TMEM225B: variants seen among roughly 807,000 people sequenced by gnomAD.
TMEM225B encodes transmembrane protein 225-like.
TMEM225B carries 10 observed loss-of-function variants against 16.9 expected under a neutral mutation model. The observed-to-expected ratio is 0.59, with a 90% confidence interval of 0.36 to 1.00. The LOEUF is 1.00. TMEM225B is among the 50% of genes least tolerant of loss of function. The pLI, the probability that TMEM225B is intolerant of heterozygous loss-of-function variation, is 0.01. For missense variants in TMEM225B, 217 were observed against 267.0 expected, an observed-to-expected ratio of 0.81 and a Z score of 1.30; for synonymous variants, 92 against 109.8, an observed-to-expected ratio of 0.84 and a Z score of 1.01.
At chr7:99,599,262 AC>A (rs985517190) in intron 1 of TMEM225B, among the ~76,000 whole-genome samples, 1 of 151,088 alleles carries the variant, frequency 6.6e-6, no homozygotes, top group African/African-American at 2.4e-5. Flanking sequence ...GGCGTGAGCC[AC>A]CGCACCCGGC....
chr7:99,608,722 T>A (rs866829495), intron 5 of TMEM225B, among the ~76,000 whole-genome samples: 33 of 115,510 alleles, frequency 2.9e-4, no homozygotes, highest in Middle Eastern at 3.6e-3. Flanking sequence ...AAAAAATATA[T>A]ATATATATAT....
At position 99,606,965 on chromosome 7, in the gene TMEM225B, C is replaced by T. The variant is rs535634602; in HGVS notation, c.355+71C>T. On this transcript the variant is annotated intron_variant, in intron 4 of 5. Coordinates refer to ENST00000431679, the MANE Select transcript of TMEM225B (RefSeq NM_001195541.3). ...AGGAGTCCAGAGAAAGAGGGGTGCTCAGTCTCTGTGATGTCAAAAGAGGCA... is the reference window on the plus strand; with the variant it reads ...AGGAGTCCAGAGAAAGAGGGGTGCTTAGTCTCTGTGATGTCAAAAGAGGCA... The T allele has an allele frequency of 9.4e-6, 14 of 1,495,668 alleles. No individual in the cohort carries two copies. The South Asian group carries it at 1.5e-4, about 16-fold the overall frequency. 92.6% of individuals were successfully genotyped at this position (1,495,668 alleles called of 1,614,324 possible).
At position 99,610,758 on chromosome 7, in the gene TMEM225B, C is replaced by T; in HGVS notation, c.*193C>T. The T allele has an allele frequency of 2.1e-6, 1 of 483,842 alleles. No individual in the cohort carries two copies. Among genetic ancestry groups the T allele is most frequent in the East Asian group, 3.0e-5 (1 of 33,040 alleles). 30.0% of individuals were successfully genotyped at this position (483,842 alleles called of 1,614,324 possible). A position where few individuals can be genotyped will look rare whatever the true frequency, so the allele number is the denominator to read the frequency against. On this transcript the variant is annotated 3_prime_UTR_variant, in exon 6 of 6. Transcript: ENST00000431679. Reference sequence around the variant, plus strand: ...ATGTGAAATTTGCTAAAAGTCCTTTCAACTCTTCTGAGCTTCCTAAGTGAC... The same window carrying T: ...ATGTGAAATTTGCTAAAAGTCCTTTTAACTCTTCTGAGCTTCCTAAGTGAC...
chr7:99,607,954 G>A (rs552091412), intron 5 of TMEM225B, 144 bp downstream of exon 5: 23 of 922,176 alleles, frequency 2.5e-5, no homozygotes, highest in South Asian at 3.8e-5. Flanking sequence ...TTTAACTTTC[G>A]TTAATTAAAA....
At chr7:99,608,865 A>C in intron 5 of TMEM225B, among the ~76,000 whole-genome samples, 1 of 149,688 alleles carries the variant, frequency 6.7e-6, no homozygotes, top group Admixed American at 6.6e-5. Flanking sequence ...ATATACACAC[A>C]CACATATATG....
At chr7:99,603,504 C>T (rs1440958072) in intron 2 of TMEM225B, among the ~76,000 whole-genome samples, 1 of 152,030 alleles carries the variant, frequency 6.6e-6, no homozygotes, top group Non-Finnish European at 1.5e-5. Context: ...CCAGCCTGGC[C>T]AACATGGTGA....
chr7:99,600,146 C>A, intron 1 of TMEM225B, 59 bp from the exon 2 acceptor site: 1 of 700,712 alleles, frequency 1.4e-6, no homozygotes, highest in Admixed American at 2.0e-5. Flanking sequence ...AAAGTAACCC[C>A]GGGCTGTGAA....
At chr7:99,602,693 T>A (rs980764891) in intron 2 of TMEM225B, among the ~76,000 whole-genome samples, 1 of 152,140 alleles carries the variant, frequency 6.6e-6, no homozygotes, top group African/African-American at 2.4e-5. Context: ...AACTACTCAT[T>A]CAAAAGATGA....
At chr7:99,608,082 C>T (rs1330622076) in intron 5 of TMEM225B, among the ~76,000 whole-genome samples, 1 of 152,142 alleles carries the variant, frequency 6.6e-6, no homozygotes, top group African/African-American at 2.4e-5. Context: ...TGGTGAAACC[C>T]CATCTCTACT....
chr7:99,604,510 C>T lies in TMEM225B; in HGVS notation c.122C>T (p.Thr41Ile). ...VSIFPFWVRL[T>I]NEESHEVFFS... is the part of the protein sequence containing the mutation. ...ATCTTTCCCTTCTGGGTGCGACTGA[C>T]AAACGAGGAGTCCCACGAAGTCTTT... The change falls in exon 3 of 6, where the codon ACA becomes ATA. Residue 41 changes from threonine to isoleucine, a missense_variant. Physicochemically the swap from Thr to Ile is moderately conservative, Grantham distance 89 (BLOSUM62 -1). Transcript: ENST00000431679. 1.3e-6 allele frequency: 2 copies of T among 1,536,078 alleles called. No individual in the cohort carries two copies. Among genetic ancestry groups the T allele is most frequent in the Non-Finnish European group, 8.7e-7 (1 of 1,146,862 alleles).
chr7:99,605,595 A>G (rs911394666), intron 3 of TMEM225B: 1 of 147,108 alleles, frequency 6.8e-6, no homozygotes, highest in Non-Finnish European at 1.5e-5. Flanking sequence ...CTCCCAGCTA[A>G]TTTTTTAATT....
In TMEM225B at chr7:99,608,053, G is replaced by C. The variant is rs568047794; in HGVS notation, c.493+243G>C. Among the ~76,000 whole-genome samples, 3 of 152,288 alleles carry C rather than the reference G, an allele frequency of 2.0e-5. No individual in the cohort carries two copies. In the East Asian group the frequency reaches 5.8e-4, roughly 29 times the overall value. ...GTGGATCACTTGAGGCCAGGAGTTT[G>C]AGACCAGCCTGGCCAACATGGTGAA... On this transcript the variant is annotated intron_variant, in intron 5 of 5. Coordinates refer to ENST00000431679, the MANE Select transcript of TMEM225B (RefSeq NM_001195541.3).
chr7:99,610,088 T>G (rs1806214872), intron 5 of TMEM225B, among the ~76,000 whole-genome samples: 1 of 152,162 alleles, frequency 6.6e-6, no homozygotes, highest in Non-Finnish European at 1.5e-5. Flanking sequence ...TCACTGAAGG[T>G]CTTGGGTTGG....
intron 5 of TMEM225B, among the ~76,000 whole-genome samples, chr7:99,609,907 AT>A (rs1011192356): frequency 6.6e-6 from 1 of 150,842 alleles, no homozygotes; most frequent in African/African-American, 2.4e-5. Flanking sequence ...GCTAATTTTA[AT>A]TTTTTTTTGG....
Position 99,610,611 on chromosome 7 carries a change from C to A in TMEM225B, c.*46C>A, listed in dbSNP as rs538069084. 2.0e-6 allele frequency: 3 copies of A among 1,515,450 alleles called. No individual in the cohort carries two copies. The highest frequency in any genetic ancestry group is 2.0e-5 in the Admixed American group (1 of 50,704). The allele number at this position is 1,515,450 out of a possible 1,614,324, so 93.9% of individuals were successfully genotyped here. A position where few individuals can be genotyped will look rare whatever the true frequency, so the allele number is the denominator to read the frequency against. Reference sequence around the variant, plus strand: ...CCCTTCTTCAAGCCATGTGAGTGTACACATGTAGCTGTTTGTAGTCCTCCC... The same window carrying A: ...CCCTTCTTCAAGCCATGTGAGTGTAAACATGTAGCTGTTTGTAGTCCTCCC... On this transcript the variant is annotated 3_prime_UTR_variant, in exon 6 of 6. Coordinates refer to ENST00000431679, the MANE Select transcript of TMEM225B (RefSeq NM_001195541.3).
At chr7:99,602,443 C>T (rs1805449954) in intron 2 of TMEM225B, among the ~76,000 whole-genome samples, 1 of 152,258 alleles carries the variant, frequency 6.6e-6, no homozygotes, top group African/African-American at 2.4e-5. Flanking sequence ...GTGCTCAGCA[C>T]TGTGTTGGAC....
Position 99,610,920 on chromosome 7 carries a change from C to G in TMEM225B, c.*355C>G, listed in dbSNP as rs1482170525. On this transcript the variant is annotated 3_prime_UTR_variant, in exon 6 of 6. Transcript: ENST00000431679. Reference sequence around the variant, plus strand: ...AAATGGGATTTTGTGAAACAGAAACCGTACAGAATACAGAATATACTCGGG... The same window carrying G: ...AAATGGGATTTTGTGAAACAGAAACGGTACAGAATACAGAATATACTCGGG... 1 of 203,346 alleles carries G rather than the reference C, an allele frequency of 4.9e-6. No homozygotes were observed. 12.6% of individuals were successfully genotyped at this position (203,346 alleles called of 1,614,324 possible).
chr7:99,601,437 TAAA>T (rs1481793714), intron 2 of TMEM225B, among the ~76,000 whole-genome samples: 1 of 151,912 alleles, frequency 6.6e-6, no homozygotes, highest in East Asian at 1.9e-4. Flanking sequence ...TACAAAAAAT[TAAA>T]AAATTAGCTG....
chr7:99,608,858 T>TATATATATATATATATATACACACAC (rs536627768), intron 5 of TMEM225B, among the ~76,000 whole-genome samples: 2 of 144,388 alleles, frequency 1.4e-5, no homozygotes, highest in African/African-American at 2.8e-5. Flanking sequence ...TATATATATA[T>TATATATATATATATATATACACACAC]ACACACACAC....
Sources: gnomAD v4.1 joint callset for allele counts (sites outside exome capture counted in the v4.1 genomes callset) on GRCh38, gnomAD v4.1.1 for gene constraint, MANE v1.5 for transcripts, NCBI Gene and HGNC (gene_info 2026-07-23, HGNC 2026-07-21) for gene names.